Variants in ETV5 observed in about 807,000 individuals in gnomAD.
ETV5 encodes the protein ETS translocation variant 5.
In ETV5, 10 loss-of-function variants were observed where a neutral mutation model predicts 70.0. The observed-to-expected ratio is 0.14, with a 90% CI of 0.09 to 0.24. The LOEUF (loss-of-function observed/expected upper bound fraction) is 0.24, where lower values mean the gene tolerates loss of function less well. Ranked by LOEUF, ETV5 falls within the 10% of genes least tolerant of loss-of-function variation. The probability of loss-of-function intolerance (pLI) is 1.00; values close to 1 mark genes in which losing one functional copy is unlikely to be tolerated. For missense variants in ETV5, 453 were observed against 651.2 expected (o/e 0.70, Z 3.31); for synonymous variants, 216 against 242.2 (o/e 0.89, Z 1.01).
chr3:186,062,511 A>C (rs955607912), intron 9 of ETV5, among the ~76,000 whole-genome samples: 23 of 152,150 alleles, frequency 1.5e-4, no homozygotes, highest in Admixed American at 6.5e-5. Context: ...AATTCCATCT[A>C]CTTGGGAGGC....
Position 186,048,374 on chromosome 3 carries a change from C to CCAT in ETV5, c.*262_*264dup. ...ATGTATTGTCCATGGTAAGGAGACT[C>CCAT]CATTTTGATCTCTTCCCAGAAACCT... is the stretch of plus-strand genomic sequence containing the variant. On this transcript the variant is annotated 3_prime_UTR_variant, in exon 13 of 13. Coordinates refer to ENST00000306376, the MANE Select transcript of ETV5 (RefSeq NM_004454.3). The CCAT allele has an allele frequency of 1.9e-6, 1 of 516,312 alleles. No individual in the cohort carries two copies. Among genetic ancestry groups the CCAT allele is most frequent in the Non-Finnish European group, 3.5e-6 (1 of 284,716 alleles). 32.0% of individuals were successfully genotyped at this position (516,312 alleles called of 1,614,324 possible).
intron 8 of ETV5, 85 bp downstream of exon 8, chr3:186,065,728 C>G: frequency 2.6e-6 from 4 of 1,516,854 alleles, no homozygotes. Flanking sequence ...ATTCCTGTCC[C>G]CAAGGCCCTG....
intron 7 of ETV5, among the ~76,000 whole-genome samples, chr3:186,077,190 C>G (rs1238691770): frequency 6.6e-6 from 1 of 152,188 alleles, no homozygotes; most frequent in African/African-American, 2.4e-5. Context: ...CTCTTTACTT[C>G]TATCATGCAA....
intron 9 of ETV5, among the ~76,000 whole-genome samples, chr3:186,058,142 C>T (rs1342903954): frequency 6.6e-6 from 1 of 151,882 alleles, no homozygotes; most frequent in Non-Finnish European, 1.5e-5. Flanking sequence ...AGGAACTGGC[C>T]CAACAACACA....
In ETV5 at chr3:186,105,954, A is replaced by G; in HGVS notation, c.-74-12T>C. On this transcript the variant is annotated splice_polypyrimidine_tract_variant and intron_variant, in intron 1 of 12. Coordinates refer to ENST00000306376, the MANE Select transcript of ETV5 (RefSeq NM_004454.3). The surrounding 1 kb of genome is among the most constrained non-coding windows in gnomAD (Gnocchi z 4.5). ...GAAAAGGGATCCTCCTGTAATATGA[A>G]TTTGGGAGATTTTAACTAAGAGGGG... 6.5e-7 allele frequency: 1 copy of G among 1,531,382 alleles called. No homozygotes were observed. The highest frequency in any genetic ancestry group is 8.9e-7 in the Non-Finnish European group (1 of 1,124,484). The allele number at this position is 1,531,382 out of a possible 1,614,324, so 94.9% of individuals were successfully genotyped here.
rs760771970 is a variant in ETV5 at position 186,105,114 on chromosome 3, A to C, written c.232+191T>G. On this transcript the variant is annotated intron_variant, in intron 5 of 12. Transcript: ENST00000306376. The surrounding 1 kb of genome is among the most constrained non-coding windows in gnomAD (Gnocchi z 4.5). ...GTTCAGTAAATCTTACCTGCAATAC[A>C]GTAGAAATACTTTAGAAATAATTTT... The C allele has an allele frequency of 3.9e-6, 2 of 516,488 alleles. No homozygotes were observed. Among genetic ancestry groups the C allele is most frequent in the East Asian group, 3.2e-5 (1 of 31,006 alleles). 32.0% of individuals were successfully genotyped at this position (516,488 alleles called of 1,614,324 possible).
chr3:186,080,761 C>T (rs1713913347), intron 6 of ETV5: 2 of 257,416 alleles, frequency 7.8e-6, no homozygotes, highest in Admixed American at 5.3e-5. Flanking sequence ...CTCAAAGCCA[C>T]AGATCAAGTA....
chr3:186,103,402 A>G (rs1319772767), intron 5 of ETV5, among the ~76,000 whole-genome samples: 4 of 152,190 alleles, frequency 2.6e-5, no homozygotes, highest in Admixed American at 6.5e-5. Context: ...AGCACATGCA[A>G]TCAATTTGAA....
chr3:186,107,777 G>A (rs913754776), intron 1 of ETV5, among the ~76,000 whole-genome samples: 10 of 151,924 alleles, frequency 6.6e-5, no homozygotes, highest in South Asian at 2.1e-4. Context: ...ATGGGAGAGC[G>A]AGCCGCGGCC....
At chr3:186,049,798 G>C (rs1712981076) in intron 12 of ETV5, among the ~76,000 whole-genome samples, 1 of 152,122 alleles carries the variant, frequency 6.6e-6, no homozygotes, top group African/African-American at 2.4e-5. Context: ...TTGTACGCTG[G>C]TTTTACCTTA....
chr3:186,058,016 TA>T (rs1713208784), intron 9 of ETV5, among the ~76,000 whole-genome samples: 1 of 152,174 alleles, frequency 6.6e-6, no homozygotes, highest in South Asian at 2.1e-4. Context: ...CTTGGGCCTG[TA>T]GAGGATTTCG....
In ETV5 at chr3:186,105,214, G is replaced by T; in HGVS notation, c.232+91C>A. 9.6e-7 allele frequency: 1 copy of T among 1,046,306 alleles called. No homozygotes were observed. Among genetic ancestry groups the T allele is most frequent in the Non-Finnish European group, 1.4e-6 (1 of 695,966 alleles). The allele number at this position is 1,046,306 out of a possible 1,614,324, so 64.8% of individuals were successfully genotyped here. ...TAAATGCATACTACTGTCTAAATCTGGCCATAGCTGAAAAAAGCATATTCT... is the reference window on the plus strand; with the variant it reads ...TAAATGCATACTACTGTCTAAATCTTGCCATAGCTGAAAAAAGCATATTCT... On this transcript the variant is annotated intron_variant, in intron 5 of 12. Transcript: ENST00000306376. This position sits in a 1 kb window ranked among gnomAD's most constrained non-coding sequence, Gnocchi z 4.5.
intron 5 of ETV5, chr3:186,084,428 T>A: frequency 3.0e-6 from 1 of 333,726 alleles, no homozygotes; most frequent in Non-Finnish European, 5.8e-6. Flanking sequence ...GAATGTGGAC[T>A]ACCTTCTTTG....
intron 9 of ETV5, among the ~76,000 whole-genome samples, chr3:186,063,579 G>A (rs1343149698): frequency 3.3e-5 from 5 of 152,154 alleles, no homozygotes; most frequent in African/African-American, 9.7e-5. Flanking sequence ...GATATAAAAC[G>A]ATCATCTTCA....
At chr3:186,085,718 C>G (rs534442458) in intron 5 of ETV5, among the ~76,000 whole-genome samples, 68 of 152,094 alleles carry the variant, frequency 4.5e-4, no homozygotes, top group Non-Finnish European at 4.4e-4. Context: ...CCATGTTGGT[C>G]AGGCTGGTCT....
At chr3:186,048,987 G>T in intron 12 of ETV5, 127 bp from the exon 13 acceptor site, 1 of 720,364 alleles carries the variant, frequency 1.4e-6, no homozygotes, top group South Asian at 1.8e-5. Context: ...CAATCACTCA[G>T]ACTTATTTTG....
chr3:186,063,265 G>A (rs60497759), intron 9 of ETV5, among the ~76,000 whole-genome samples: 9,373 of 152,152 alleles, frequency 0.062, 899 homozygotes, highest in East Asian at 0.47. Flanking sequence ...GCGAGACTCC[G>A]TCTCAACAAC....
In ETV5 at chr3:186,079,855, T is replaced by C. The variant is rs756498560; in HGVS notation, c.612A>G (p.Pro204=). 6.2e-7 allele frequency: 1 copy of C among 1,603,328 alleles called. No individual in the cohort carries two copies. Among genetic ancestry groups the C allele is most frequent in the South Asian group, 1.1e-5 (1 of 89,650 alleles). The part of the protein sequence containing the change: ...PRPPHQPLQM[P]KMMPENQYPS... ...GATACTGGTTTTCAGGCATCATCTT[T>C]GGCATCTGCAGGGGCTGATGTGGTG... is the stretch of plus-strand genomic sequence containing the variant. Residue 204 remains proline, a synonymous_variant, in exon 7 of 13, where the codon CCA becomes CCG. Transcript: ENST00000306376.
intron 5 of ETV5, among the ~76,000 whole-genome samples, chr3:186,098,695 G>T (rs1171043458): frequency 6.6e-6 from 1 of 152,208 alleles, no homozygotes; most frequent in African/African-American, 2.4e-5. Context: ...CACCCTGAGG[G>T]AAAGCGGATG....
Sources: allele counts gnomAD v4.1 joint callset (sites outside exome capture counted in the v4.1 genomes callset), GRCh38; gene constraint gnomAD v4.1.1; non-coding constraint Gnocchi (gnomAD v3.1); transcripts MANE v1.5; gene names NCBI Gene and HGNC (gene_info 2026-07-23, HGNC 2026-07-21).